Variants in CDC14B observed in about 807,000 individuals in gnomAD.
The protein encoded by CDC14B is cell division cycle 14B.
CDC14B carries 22 observed loss-of-function variants against 64.2 expected under a neutral mutation model. The ratio of observed to expected loss-of-function variants is 0.34; its 90% CI spans 0.24 to 0.49. The LOEUF (loss-of-function observed/expected upper bound fraction) is 0.49, where lower values mean the gene tolerates loss of function less well. Among genes scored for constraint, CDC14B ranks in the 20% least tolerant of loss-of-function variants. CDC14B has a pLI of 0.99. For missense variants in CDC14B, 498 were observed against 629.9 expected (o/e 0.79, Z 2.24); for synonymous variants, 191 against 215.8 (o/e 0.89, Z 1.01).
chr9:96,503,842 G>A (rs1406272277), intron 13 of CDC14B, 53 bp from the exon 14 acceptor site: 1 of 1,439,310 alleles, frequency 6.9e-7, no homozygotes, highest in Admixed American at 1.8e-5. Flanking sequence ...AGCGTCCACA[G>A]GCAGTTATCA....
intron 13 of CDC14B, among the ~76,000 whole-genome samples, chr9:96,494,696 C>CT (rs869194531): frequency 6.9e-6 from 1 of 145,092 alleles, no homozygotes; most frequent in Non-Finnish European, 1.5e-5. Flanking sequence ...TCTGAGCACT[C>CT]TTTTCTTTCT....
At chr9:96,615,337 G>A (rs1847558941) in intron 1 of CDC14B, among the ~76,000 whole-genome samples, 1 of 152,088 alleles carries the variant, frequency 6.6e-6, no homozygotes, top group African/African-American at 2.4e-5. Flanking sequence ...TAGTGGTGTG[G>A]GTGGCTAGAT....
chr9:96,598,744 C>T (rs1846244484), intron 1 of CDC14B, among the ~76,000 whole-genome samples: 1 of 152,188 alleles, frequency 6.6e-6, no homozygotes, highest in East Asian at 1.9e-4. Context: ...CTCAGCAGTG[C>T]ACTTTTGGAA....
intron 1 of CDC14B, among the ~76,000 whole-genome samples, chr9:96,582,971 C>T (rs976249827): frequency 6.6e-6 from 1 of 152,114 alleles, no homozygotes; most frequent in Admixed American, 6.6e-5. Flanking sequence ...GGGAGCCGAT[C>T]GGGCAGATCT....
intron 1 of CDC14B, among the ~76,000 whole-genome samples, chr9:96,600,606 G>A (rs553610539): frequency 1.3e-5 from 2 of 152,068 alleles, no homozygotes; most frequent in South Asian, 2.1e-4. Flanking sequence ...GAGTTCGAGC[G>A]ATTCTCCGGC....
chr9:96,499,411 A>C (rs1321504551), downstream of CDC14B, among the ~76,000 whole-genome samples: 1 of 152,168 alleles, frequency 6.6e-6, no homozygotes, highest in Non-Finnish European at 1.5e-5. Context: ...GGTAGAAAGC[A>C]GGGGTCTGGC....
downstream of CDC14B, among the ~76,000 whole-genome samples, chr9:96,498,749 G>T (rs73654891): frequency 6.6e-6 from 1 of 152,140 alleles, no homozygotes; most frequent in Non-Finnish European, 1.5e-5. Flanking sequence ...CACTTTCCAC[G>T]TGTTATTTTA....
At chr9:96,551,736 T>C in intron 5 of CDC14B, 60 bp downstream of exon 5, 6 of 1,580,682 alleles carry the variant, frequency 3.8e-6, no homozygotes, top group Middle Eastern at 2.1e-4. Context: ...GAAACAACTA[T>C]CAAGATATTT....
intron 12 of CDC14B, among the ~76,000 whole-genome samples, chr9:96,513,603 G>A (rs1587757496): frequency 6.6e-6 from 1 of 152,158 alleles, no homozygotes; most frequent in Admixed American, 6.5e-5. Flanking sequence ...AGTGAAATCT[G>A]CAACCCAAGG....
chr9:96,574,003 C>T (rs1323465861), intron 1 of CDC14B, among the ~76,000 whole-genome samples: 1 of 151,952 alleles, frequency 6.6e-6, no homozygotes, highest in Non-Finnish European at 1.5e-5. Flanking sequence ...AAAACTTAGC[C>T]GGGCATGGTG....
At chr9:96,510,725 C>G (rs1441892892) in intron 12 of CDC14B, among the ~76,000 whole-genome samples, 14 of 151,892 alleles carry the variant, frequency 9.2e-5, no homozygotes. Context: ...CCTGCCTCAG[C>G]CTCCTGAGTA....
intron 9 of CDC14B, among the ~76,000 whole-genome samples, chr9:96,529,330 A>T (rs1264866345): frequency 1.3e-5 from 2 of 152,092 alleles, no homozygotes; most frequent in Non-Finnish European, 2.9e-5. Context: ...TGTTGAAAAG[A>T]CTGTCCTTTC....
intron 1 of CDC14B, among the ~76,000 whole-genome samples, chr9:96,568,608 A>G (rs914652911): frequency 6.6e-6 from 1 of 152,164 alleles, no homozygotes; most frequent in Non-Finnish European, 1.5e-5. Flanking sequence ...TTTGGGAGAA[A>G]TGTTTAAGAC....
At chr9:96,504,026 T>TA (rs1403180381) in intron 13 of CDC14B, among the ~76,000 whole-genome samples, 7 of 151,756 alleles carry the variant, frequency 4.6e-5, no homozygotes, top group African/African-American at 1.7e-4. Flanking sequence ...AATAGAAATT[T>TA]AAAAAAACCA....
chr9:96,519,551 C>T (rs947447686), intron 12 of CDC14B, among the ~76,000 whole-genome samples: 2 of 152,006 alleles, frequency 1.3e-5, no homozygotes, highest in African/African-American at 4.8e-5. Context: ...GCCTGGCCAA[C>T]ATGGTGAAAC....
At chr9:96,546,892 C>G (rs1238291449) in intron 5 of CDC14B, among the ~76,000 whole-genome samples, 1 of 151,812 alleles carries the variant, frequency 6.6e-6, no homozygotes, top group African/African-American at 2.4e-5. Context: ...GAAACCCCGT[C>G]TCTACTAAAA....
At chr9:96,600,591 C>A (rs1846369447) in intron 1 of CDC14B, among the ~76,000 whole-genome samples, 1 of 152,020 alleles carries the variant, frequency 6.6e-6, no homozygotes, top group Non-Finnish European at 1.5e-5. Context: ...CAACCTCCAC[C>A]TCCTGAGTTC....
At chr9:96,525,149 A>T (rs1837364107) in intron 9 of CDC14B, among the ~76,000 whole-genome samples, 1 of 152,140 alleles carries the variant, frequency 6.6e-6, no homozygotes, top group Non-Finnish European at 1.5e-5. Flanking sequence ...GCAAAAAATA[A>T]GAGTGTTACA....
chr9:96,563,349 A>G (rs1843469214), intron 3 of CDC14B, among the ~76,000 whole-genome samples: 1 of 152,156 alleles, frequency 6.6e-6, no homozygotes. Flanking sequence ...ACATATTTCT[A>G]TTTATATGTT....
Sources: allele counts gnomAD v4.1 joint callset (sites outside exome capture counted in the v4.1 genomes callset), GRCh38; gene constraint gnomAD v4.1.1; transcripts MANE v1.5; gene names NCBI Gene and HGNC (gene_info 2026-07-23, HGNC 2026-07-21).